Variants in SHROOM3 observed in about 807,000 individuals in gnomAD.
SHROOM3 encodes the protein protein Shroom3.
Under a neutral mutation model 138.6 loss-of-function variants are expected in SHROOM3, and 47 were observed. That is an observed-to-expected ratio of 0.34 (90% CI 0.27 to 0.43). The LOEUF (loss-of-function observed/expected upper bound fraction) is 0.43. Ranked by LOEUF, SHROOM3 falls within the 20% of genes least tolerant of loss-of-function variation. The probability of loss-of-function intolerance (pLI) is 1.00; values close to 1 mark genes in which losing one functional copy is unlikely to be tolerated. For missense variants in SHROOM3, 2,491 were observed against 2,596.5 expected (o/e 0.96, Z 0.88); for synonymous variants, 1,062 against 1,063.3 (o/e 1.00, Z 0.02).
Position 76,741,167 on chromosome 4 carries a change from C to A in SHROOM3, c.2994C>A (p.Pro998=). 1.3e-6 allele frequency: 2 copies of A among 1,582,230 alleles called. No individual in the cohort carries two copies. Among genetic ancestry groups the A allele is most frequent in the African/African-American group, 1.3e-5 (1 of 74,412 alleles). ...VTPAEGDLAR[P]VPPAARRGAR... ...CTGCTGAGGGCGACCTGGCCAGGCCCGTGCCCCCTGCCGCCCGGAGAGGTG... is the reference window on the plus strand; with the variant it reads ...CTGCTGAGGGCGACCTGGCCAGGCCAGTGCCCCCTGCCGCCCGGAGAGGTG... The change falls in exon 5 of 11, where the codon CCC becomes CCA. Residue 998 remains proline (P), a synonymous_variant. Coordinates refer to ENST00000296043, the MANE Select transcript of SHROOM3 (RefSeq NM_020859.4). This position sits in a 1 kb window ranked among gnomAD's most constrained non-coding sequence, Gnocchi z 6.2.
In SHROOM3 at chr4:76,548,217, G is replaced by T. The variant is rs150604216; in HGVS notation, c.169-7392G>T. The stretch of plus-strand genomic sequence containing the variant: ...TCCCTGTGCCGCTGGAAGGCCAGGG[G>T]CTGGTATTGAGTGATCCAGTGGAGA... On this transcript the variant is annotated intron_variant, in intron 1 of 10. Transcript: ENST00000296043. Among the ~76,000 whole-genome samples the T allele has an allele frequency of 3.3e-3, 483 of 146,396 alleles. 1 individual carries two copies. Among genetic ancestry groups the T allele is most frequent in the African/African-American group, 0.011 (452 of 39,836 alleles).
intron 2 of SHROOM3, among the ~76,000 whole-genome samples, chr4:76,616,390 A>G (rs1289986245): frequency 1.3e-5 from 2 of 152,238 alleles, no homozygotes; most frequent in East Asian, 3.8e-4. Context: ...ACAATAGCCA[A>G]AAGGTGGAAG....
At chr4:76,660,177 C>T (rs1222425500) in intron 2 of SHROOM3, among the ~76,000 whole-genome samples, 4 of 152,142 alleles carry the variant, frequency 2.6e-5, no homozygotes, top group African/African-American at 9.7e-5. Context: ...GCACCATCAG[C>T]ATCTTCACCA....
intron 1 of SHROOM3, among the ~76,000 whole-genome samples, chr4:76,506,453 A>G (rs1189330196): frequency 2.6e-5 from 4 of 152,200 alleles, no homozygotes; most frequent in Admixed American, 6.5e-5. Context: ...ACCATTTTAT[A>G]TAAGGGACTT....
chr4:76,673,668 TA>T (rs1221347222), intron 2 of SHROOM3, among the ~76,000 whole-genome samples: 2 of 152,186 alleles, frequency 1.3e-5, no homozygotes, highest in Non-Finnish European at 2.9e-5. Flanking sequence ...GTGTTTTTGT[TA>T]AAAAAAATTT....
chr4:76,492,186 G>A (rs1731867589), intron 1 of SHROOM3, among the ~76,000 whole-genome samples: 1 of 152,144 alleles, frequency 6.6e-6, no homozygotes, highest in Non-Finnish European at 1.5e-5. Context: ...AGTATTTTCC[G>A]TTTTCAGAAC....
At chr4:76,586,332 G>C in intron 2 of SHROOM3, 1 of 985,736 alleles carries the variant, frequency 1.0e-6, no homozygotes, top group Non-Finnish European at 1.2e-6. Flanking sequence ...TCCTGGGCCA[G>C]AACCGTGCCT....
In SHROOM3 at chr4:76,678,240, A is replaced by G. The variant is rs117327253; in HGVS notation, c.324-31916A>G. 2.8e-3 allele frequency among the ~76,000 whole-genome samples: 433 copies of G among 152,282 alleles called. 5 individuals carry two copies. The East Asian group carries it at 0.068, about 24-fold the overall frequency. On this transcript the variant is annotated intron_variant, in intron 2 of 10. Transcript: ENST00000296043. Reference sequence around the variant, plus strand: ...AAAATTTTTCTTTTCAAACATAAATATTAAGGTTTACAAGTAAAGATAAGG... The same window carrying G: ...AAAATTTTTCTTTTCAAACATAAATGTTAAGGTTTACAAGTAAAGATAAGG...
chr4:76,676,632 C>T (rs768963439), intron 2 of SHROOM3, among the ~76,000 whole-genome samples: 1 of 151,870 alleles, frequency 6.6e-6, no homozygotes, highest in Non-Finnish European at 1.5e-5. Flanking sequence ...AGGAAAGGAT[C>T]GAAACCCAGA....
chr4:76,611,721 G>A (rs563253420), intron 2 of SHROOM3, among the ~76,000 whole-genome samples: 1 of 152,198 alleles, frequency 6.6e-6, no homozygotes, highest in East Asian at 1.9e-4. Flanking sequence ...TAGTGTGCAC[G>A]CCATACCAGG....
At chr4:76,736,751 TAGAGAC>T (rs1031472418) in intron 4 of SHROOM3, among the ~76,000 whole-genome samples, 1 of 152,136 alleles carries the variant, frequency 6.6e-6, no homozygotes, top group African/African-American at 2.4e-5. Flanking sequence ...TGTATATATA[TAGAGAC>T]AGAGACAGAC....
chr4:76,703,281 G>A (rs1299268940), intron 2 of SHROOM3, among the ~76,000 whole-genome samples: 1 of 152,128 alleles, frequency 6.6e-6, no homozygotes, highest in Non-Finnish European at 1.5e-5. Flanking sequence ...AGGGCATGCA[G>A]AGGGAGCTTC....
intron 1 of SHROOM3, among the ~76,000 whole-genome samples, chr4:76,488,531 T>A (rs1731784914): frequency 6.6e-6 from 1 of 152,258 alleles, no homozygotes; most frequent in Admixed American, 6.5e-5. Context: ...TTTGCATTTC[T>A]GTTGGCCAGA....
At chr4:76,554,093 T>A (rs926190465) in intron 1 of SHROOM3, among the ~76,000 whole-genome samples, 5 of 152,232 alleles carry the variant, frequency 3.3e-5, no homozygotes, top group Non-Finnish European at 5.9e-5. Flanking sequence ...CCCTAAAATA[T>A]TCTGTGCCAC....
intron 2 of SHROOM3, among the ~76,000 whole-genome samples, chr4:76,640,168 C>T (rs1371564081): frequency 6.6e-6 from 1 of 152,080 alleles, no homozygotes; most frequent in East Asian, 1.9e-4. Context: ...TTTGTATACC[C>T]TGTGAGGGGG....
At chr4:76,688,736 A>C in intron 2 of SHROOM3, 1 of 985,414 alleles carries the variant, frequency 1.0e-6, no homozygotes, top group Non-Finnish European at 1.2e-6. Flanking sequence ...TATTTTCTAA[A>C]ATTCCAAAGT....
At chr4:76,564,345 C>A (rs1733655184) in intron 2 of SHROOM3, among the ~76,000 whole-genome samples, 1 of 152,190 alleles carries the variant, frequency 6.6e-6, no homozygotes, top group Non-Finnish European at 1.5e-5. Flanking sequence ...AAGGAGGCAG[C>A]TGCAGTGGCC....
chr4:76,710,542 A>G (rs1371588608), intron 3 of SHROOM3, among the ~76,000 whole-genome samples: 1 of 152,200 alleles, frequency 6.6e-6, no homozygotes, highest in Non-Finnish European at 1.5e-5. Context: ...TCCCACAAAT[A>G]GTTTGATTCA....
chr4:76,699,428 T>G (rs1358922885), intron 2 of SHROOM3, among the ~76,000 whole-genome samples: 2 of 152,246 alleles, frequency 1.3e-5, no homozygotes, highest in Admixed American at 1.3e-4. Flanking sequence ...CAGGCTCATC[T>G]GTACTAACCT....
Sources: gnomAD v4.1 joint callset for allele counts (sites outside exome capture counted in the v4.1 genomes callset) on GRCh38, gnomAD v4.1.1 for gene constraint, Gnocchi (gnomAD v3.1) non-coding constraint, MANE v1.5 for transcripts, NCBI Gene and HGNC (gene_info 2026-07-23, HGNC 2026-07-21) for gene names.